The following RAB10 variants were observed in gnomAD, a reference collection of about 807,000 sequenced individuals.
RAB10 encodes ras-related protein Rab-10.
RAB10 carries 5 observed loss-of-function variants against 25.7 expected under a neutral mutation model. That is an observed-to-expected ratio of 0.19 (90% CI 0.10 to 0.41). The LOEUF is 0.41. RAB10 is among the 10% of genes least tolerant of loss of function. The pLI is 1.00. For missense variants in RAB10, 103 were observed against 245.8 expected (o/e 0.42, Z 3.89); for synonymous variants, 89 against 86.4 (o/e 1.03, Z -0.16).
At chr2:26,072,821 A>G (rs1319598474) in intron 1 of RAB10, among the ~76,000 whole-genome samples, 2 of 152,254 alleles carry the variant, frequency 1.3e-5, no homozygotes, top group Non-Finnish European at 2.9e-5. Context: ...GTAATTTTTA[A>G]CAAAATGTCA....
At chr2:26,061,092 C>CTTTTTTTTTTTTTTTTTTT (rs5829993) in intron 1 of RAB10, among the ~76,000 whole-genome samples, 141 of 83,640 alleles carry the variant, frequency 1.7e-3, no homozygotes, top group Non-Finnish European at 1.8e-3. Flanking sequence ...TTATCTCTGT[C>CTTTTTTTTTTTTTTTTTTT]TTTTTTTTTT....
intron 1 of RAB10, among the ~76,000 whole-genome samples, chr2:26,057,314 A>C (rs1666289783): frequency 6.6e-6 from 1 of 152,106 alleles, no homozygotes; most frequent in Admixed American, 6.6e-5. Flanking sequence ...CTGTAGTCCC[A>C]GCTACTGGGA....
At chr2:26,107,342 A>G (rs1266499076) in intron 2 of RAB10, among the ~76,000 whole-genome samples, 1 of 152,050 alleles carries the variant, frequency 6.6e-6, no homozygotes, top group African/African-American at 2.4e-5. Context: ...AATTAATTAG[A>G]CTTTCACAAA....
At chr2:26,118,293 A>C (rs1000543298) in intron 3 of RAB10, among the ~76,000 whole-genome samples, 4 of 149,680 alleles carry the variant, frequency 2.7e-5, no homozygotes, top group African/African-American at 9.9e-5. Flanking sequence ...TTTAGCTCCA[A>C]TTTTTACAAA....
At chr2:26,098,432 C>G in intron 1 of RAB10, 1 of 453,846 alleles carries the variant, frequency 2.2e-6, no homozygotes, top group South Asian at 2.4e-5. Context: ...AGCCACCATG[C>G]CCAGCCCAAA....
chr2:26,118,693 G>A (rs190939624), intron 3 of RAB10, among the ~76,000 whole-genome samples: 3 of 152,204 alleles, frequency 2.0e-5, no homozygotes, highest in Admixed American at 6.5e-5. Context: ...CACAGCTTGG[G>A]TACAAGAAGA....
intron 1 of RAB10, among the ~76,000 whole-genome samples, chr2:26,075,462 C>T (rs960801601): frequency 2.0e-5 from 3 of 148,000 alleles, no homozygotes; most frequent in Non-Finnish European, 4.5e-5. Context: ...AATGGATAAG[C>T]ACAGGTTTAA....
chr2:26,079,431 AAG>A (rs1209022280), intron 1 of RAB10, among the ~76,000 whole-genome samples: 1 of 152,026 alleles, frequency 6.6e-6, no homozygotes, highest in South Asian at 2.1e-4. Context: ...TTGTTGAAGA[AAG>A]AAGTTGAAAG....
intron 1 of RAB10, among the ~76,000 whole-genome samples, chr2:26,078,760 A>G (rs1666795089): frequency 6.6e-6 from 1 of 152,250 alleles, no homozygotes; most frequent in Non-Finnish European, 1.5e-5. Context: ...TAAAAGCCAG[A>G]GTAAAAAAAG....
At chr2:26,106,561 A>C (rs1374311817) in intron 2 of RAB10, among the ~76,000 whole-genome samples, 2 of 152,180 alleles carry the variant, frequency 1.3e-5, no homozygotes, top group Non-Finnish European at 2.9e-5. Flanking sequence ...TCCTATTTGA[A>C]ATTAACTCAA....
intron 1 of RAB10, among the ~76,000 whole-genome samples, chr2:26,091,441 G>C (rs1057443295): frequency 1.3e-5 from 2 of 152,128 alleles, no homozygotes; most frequent in South Asian, 2.1e-4. Context: ...GGCGAACCTG[G>C]CTGTCTTGTG....
chr2:26,092,327 G>A (rs1396054642), intron 1 of RAB10, among the ~76,000 whole-genome samples: 4 of 135,150 alleles, frequency 3.0e-5, no homozygotes, highest in African/African-American at 1.1e-4. Flanking sequence ...GTGTGTTGGG[G>A]TGGTTAATAA....
At chr2:26,077,696 G>A (rs2149272519) in intron 1 of RAB10, among the ~76,000 whole-genome samples, 1 of 152,230 alleles carries the variant, frequency 6.6e-6, no homozygotes, top group Admixed American at 6.5e-5. Context: ...CTGTAGATGG[G>A]AGGCTGGGCA....
chr2:26,121,032 C>T (rs1215783190), intron 3 of RAB10, among the ~76,000 whole-genome samples: 1 of 152,156 alleles, frequency 6.6e-6, no homozygotes, highest in Admixed American at 6.5e-5. Context: ...CTGCCTCAGC[C>T]TCCCAAGTAG....
intron 2 of RAB10, among the ~76,000 whole-genome samples, chr2:26,103,897 G>T (rs1238059501): frequency 4.6e-5 from 7 of 151,886 alleles, no homozygotes; most frequent in African/African-American, 1.7e-4. Context: ...TGTCTGTGTT[G>T]TACATGAATC....
intron 3 of RAB10, among the ~76,000 whole-genome samples, chr2:26,119,647 A>C (rs1257661810): frequency 6.6e-6 from 1 of 151,650 alleles, no homozygotes; most frequent in Non-Finnish European, 1.5e-5. Flanking sequence ...CTAGCCTCCC[A>C]GGTACCTAGG....
At chr2:26,079,477 G>A (rs1330074143) in intron 1 of RAB10, among the ~76,000 whole-genome samples, 1 of 152,022 alleles carries the variant, frequency 6.6e-6, no homozygotes, top group Non-Finnish European at 1.5e-5. Flanking sequence ...GTATTGGATT[G>A]GAATTGGAGG....
chr2:26,038,975 A>G (rs924898855), intron 1 of RAB10, among the ~76,000 whole-genome samples: 1 of 151,626 alleles, frequency 6.6e-6, no homozygotes, highest in Non-Finnish European at 1.5e-5. Context: ...TGCCGTTCAA[A>G]AGAAATAATG....
At chr2:26,094,515 G>T (rs1209587338) in intron 1 of RAB10, among the ~76,000 whole-genome samples, 1 of 151,964 alleles carries the variant, frequency 6.6e-6, no homozygotes, top group Admixed American at 6.6e-5. Flanking sequence ...GCCTCTGAAC[G>T]TGCTGGGATT....
Sources: allele counts gnomAD v4.1 joint callset (sites outside exome capture counted in the v4.1 genomes callset), GRCh38; gene constraint gnomAD v4.1.1; transcripts MANE v1.5; gene names NCBI Gene and HGNC (gene_info 2026-07-23, HGNC 2026-07-21).